ENPP3: variants seen among roughly 807,000 people sequenced by gnomAD.
The protein encoded by ENPP3 is ectonucleotide pyrophosphatase/phosphodiesterase family member 3.
In ENPP3, 104 loss-of-function variants were observed where a neutral mutation model predicts 117.8. The observed-to-expected ratio is 0.88, with a 90% CI of 0.75 to 1.04. The LOEUF (loss-of-function observed/expected upper bound fraction) is 1.04, where lower values mean the gene tolerates loss of function less well. ENPP3 is among the 50% of genes least tolerant of loss of function. ENPP3 has a pLI of 0.00. For missense variants in ENPP3, 1,026 were observed against 1,051.9 expected, an observed-to-expected ratio of 0.98 and a Z score of 0.34; for synonymous variants, 380 against 349.9, an observed-to-expected ratio of 1.09 and a Z score of -0.96.
At chr6:131,691,680 C>T (rs538456549) in intron 14 of ENPP3, among the ~76,000 whole-genome samples, 62 of 152,118 alleles carry the variant, frequency 4.1e-4, no homozygotes, top group Non-Finnish European at 2.6e-4. Context: ...AAAGAATCAC[C>T]GGTACTTCTT....
rs960683541 is a variant in ENPP3 at position 131,679,156 on chromosome 6, G to A, written c.1011+1216G>A. Among the ~76,000 whole-genome samples the A allele has an allele frequency of 1.3e-4, 19 of 149,120 alleles. No individual in the cohort carries two copies. The East Asian group carries it at 1.4e-3, about 11-fold the overall frequency. On this transcript the variant is annotated intron_variant, in intron 11 of 24. Coordinates refer to ENST00000357639, the MANE Select transcript of ENPP3 (RefSeq NM_005021.5). ...GTCACCCAGGCTGGAATGCAGTGGC[G>A]CAATCTCAGCTCTCTGCAACCTCCA... is the stretch of plus-strand genomic sequence containing the variant.
chr6:131,673,282 G>T (rs1254394059), intron 7 of ENPP3, among the ~76,000 whole-genome samples: 1 of 152,038 alleles, frequency 6.6e-6, no homozygotes, highest in Non-Finnish European at 1.5e-5. Context: ...AAATATTTGG[G>T]TGGAATCAAC....
chr6:131,660,421 C>G (rs1367532054), intron 6 of ENPP3, among the ~76,000 whole-genome samples: 1 of 152,200 alleles, frequency 6.6e-6, no homozygotes, highest in African/African-American at 2.4e-5. Context: ...GAATCACACT[C>G]TAATGAGGCA....
chr6:131,654,350 AGACTGGACTCG>A (rs144140075), intron 5 of ENPP3, among the ~76,000 whole-genome samples: 4,987 of 152,110 alleles, frequency 0.033, 103 homozygotes, highest in Middle Eastern at 0.14. Context: ...TATGTTGCCC[AGACTGGACTCG>A]AACTCCTGAA....
chr6:131,736,832 A>T (rs1054095669), intron 21 of ENPP3, among the ~76,000 whole-genome samples: 1 of 152,200 alleles, frequency 6.6e-6, no homozygotes, highest in Non-Finnish European at 1.5e-5. Flanking sequence ...CAGAAGGCTA[A>T]AGTCAAGGTG....
intron 14 of ENPP3, among the ~76,000 whole-genome samples, chr6:131,688,903 A>G (rs1376326097): frequency 6.6e-6 from 1 of 150,862 alleles, no homozygotes; most frequent in Non-Finnish European, 1.5e-5. Context: ...ATCCAAAAAA[A>G]AAAAAAAAAA....
chr6:131,676,710 G>A, intron 9 of ENPP3, 26 bp from the exon 10 acceptor site: 3 of 1,454,394 alleles, frequency 2.1e-6, no homozygotes, highest in Middle Eastern at 1.7e-4. Flanking sequence ...TCATTTTAAA[G>A]AATTATTTCT....
At chr6:131,701,602 C>T (rs1562461403) in intron 15 of ENPP3, among the ~76,000 whole-genome samples, 1 of 148,398 alleles carries the variant, frequency 6.7e-6, no homozygotes, top group Non-Finnish European at 1.5e-5. Context: ...ATATGCAGGC[C>T]GGGTGCGGTA....
At chr6:131,720,400 TC>T (rs1420518936) in intron 17 of ENPP3, 21 bp downstream of exon 17, 1 of 1,289,610 alleles carries the variant, frequency 7.8e-7, no homozygotes, top group African/African-American at 1.5e-5. Context: ...TTAAATAAGT[TC>T]GCCAACAAAA....
At chr6:131,678,026 C>A in intron 11 of ENPP3, 86 bp downstream of exon 11, 1 of 741,272 alleles carries the variant, frequency 1.3e-6, no homozygotes. Flanking sequence ...TCTTTAACTT[C>A]TACTGAGCAC....
chr6:131,745,982 G>T (rs1312244584), intron 24 of ENPP3, among the ~76,000 whole-genome samples: 1 of 152,046 alleles, frequency 6.6e-6, no homozygotes. Context: ...TTAGCTGGGT[G>T]TGGCGGCGGG....
chr6:131,741,832 T>C lies in ENPP3; in HGVS notation c.2457+1452T>C, dbSNP rs562951823. Among the ~76,000 whole-genome samples, 9 of 152,274 alleles carry C rather than the reference T, an allele frequency of 5.9e-5. No homozygotes were observed. The East Asian group carries it at 1.7e-3, about 29-fold the overall frequency. On this transcript the variant is annotated intron_variant, in intron 24 of 24. Transcript: ENST00000357639. Reference sequence around the variant, plus strand: ...CCCATAGGCAATTAGAGCCTGAGAATTGAAGCTTGGGATCTAGGCCAGATT... The same window carrying C: ...CCCATAGGCAATTAGAGCCTGAGAACTGAAGCTTGGGATCTAGGCCAGATT...
intron 2 of ENPP3, chr6:131,642,909 G>A (rs1778083185): frequency 6.6e-6 from 1 of 152,178 alleles, no homozygotes; most frequent in Non-Finnish European, 1.5e-5. Context: ...ATTTTTATGA[G>A]CAATAATCAT....
intron 15 of ENPP3, among the ~76,000 whole-genome samples, chr6:131,712,627 C>G (rs959316467): frequency 1.5e-5 from 2 of 134,530 alleles, no homozygotes; most frequent in African/African-American, 7.2e-5. Context: ...TCTTAGCCAA[C>G]TGTCACATAG....
chr6:131,638,279 C>T (rs981459221), intron 1 of ENPP3, among the ~76,000 whole-genome samples: 2 of 152,182 alleles, frequency 1.3e-5, no homozygotes, highest in East Asian at 1.9e-4. Context: ...TCTACCATGA[C>T]ATTGACATTT....
chr6:131,692,120 CTT>C (rs1026366140), intron 14 of ENPP3, among the ~76,000 whole-genome samples: 1 of 151,922 alleles, frequency 6.6e-6, no homozygotes, highest in Admixed American at 6.6e-5. Flanking sequence ...GTGACACACA[CTT>C]GTTAATATAT....
At position 131,706,199 on chromosome 6, in the gene ENPP3, T is replaced by C. The variant is rs917440090; in HGVS notation, c.1413-12473T>C. Among the ~76,000 whole-genome samples the C allele has an allele frequency of 2.7e-4, 35 of 128,332 alleles. 2 individuals carry two copies. Among genetic ancestry groups the C allele is most frequent in the African/African-American group, 1.2e-3 (31 of 26,938 alleles). 84.2% of individuals were successfully genotyped at this position (128,332 alleles called of 152,430 possible). The stretch of plus-strand genomic sequence containing the variant: ...GTGCAACATCATGCTTGGCTAATTT[T>C]TTATATTCTTGGTAGAGATGGGGTT... On this transcript the variant is annotated intron_variant, in intron 15 of 24. Transcript: ENST00000357639.
chr6:131,718,609 A>G, intron 15 of ENPP3, 63 bp from the exon 16 acceptor site: 1 of 768,942 alleles, frequency 1.3e-6, no homozygotes, highest in South Asian at 2.5e-5. Flanking sequence ...AATTAGTTAA[A>G]TCTTACACTA....
At chr6:131,699,149 A>T (rs1269565804) in intron 15 of ENPP3, among the ~76,000 whole-genome samples, 2 of 145,744 alleles carry the variant, frequency 1.4e-5, no homozygotes, top group Non-Finnish European at 3.0e-5. Flanking sequence ...GAGGCAGGAG[A>T]ATTGTTTCAA....
Sources: gnomAD v4.1 joint callset for allele counts (sites outside exome capture counted in the v4.1 genomes callset) on GRCh38, gnomAD v4.1.1 for gene constraint, MANE v1.5 for transcripts, NCBI Gene and HGNC (gene_info 2026-07-23, HGNC 2026-07-21) for gene names.